The following MAN2A1 variants were observed in gnomAD, a reference collection of about 807,000 sequenced individuals.
The protein encoded by MAN2A1 is alpha-mannosidase 2.
MAN2A1 carries 76 observed loss-of-function variants against 142.6 expected under a neutral mutation model. The ratio of observed to expected loss-of-function variants is 0.53; its 90% CI spans 0.44 to 0.65. The LOEUF (loss-of-function observed/expected upper bound fraction) is 0.65. MAN2A1 is among the 30% of genes least tolerant of loss of function. The pLI is 0.00. For synonymous variants in MAN2A1, 559 were observed against 473.2 expected (o/e 1.18, Z -2.35); for missense variants, 1,311 against 1,365.1 (o/e 0.96, Z 0.62).
chr5:109,862,068 A>C (rs1755772602), intron 20 of MAN2A1, among the ~76,000 whole-genome samples: 1 of 152,234 alleles, frequency 6.6e-6, no homozygotes, highest in Non-Finnish European at 1.5e-5. Flanking sequence ...GATATGGCAC[A>C]CAGCAAGTGC....
chr5:109,756,885 T>C (rs1392029167), intron 5 of MAN2A1, among the ~76,000 whole-genome samples: 1 of 152,192 alleles, frequency 6.6e-6, no homozygotes, highest in African/African-American at 2.4e-5. Flanking sequence ...GGAGTCTGAA[T>C]TCTTAGTATG....
intron 4 of MAN2A1, among the ~76,000 whole-genome samples, chr5:109,734,871 T>C (rs1184724999): frequency 6.6e-6 from 1 of 152,216 alleles, no homozygotes; most frequent in Non-Finnish European, 1.5e-5. Flanking sequence ...GAGAGTTCTG[T>C]AGATGTCTGT....
intron 20 of MAN2A1, among the ~76,000 whole-genome samples, chr5:109,861,540 C>G (rs1320759657): frequency 6.6e-6 from 1 of 152,194 alleles, no homozygotes; most frequent in Non-Finnish European, 1.5e-5. Context: ...GTTTGCCAGG[C>G]ATTGTGCCAA....
chr5:109,849,704 T>G (rs113232857), intron 19 of MAN2A1, among the ~76,000 whole-genome samples: 2,834 of 149,462 alleles, frequency 0.019, 35 homozygotes, highest in Middle Eastern at 0.072. Context: ...GCAGAATGGT[T>G]TTTTTTTTTG....
At chr5:109,765,261 T>G (rs1752959288) in intron 5 of MAN2A1, among the ~76,000 whole-genome samples, 1 of 152,126 alleles carries the variant, frequency 6.6e-6, no homozygotes, top group Non-Finnish European at 1.5e-5. Context: ...TCCTTAGTCT[T>G]TTTTTGGGGA....
At chr5:109,711,708 T>C (rs148171640) in intron 1 of MAN2A1, among the ~76,000 whole-genome samples, 1 of 152,318 alleles carries the variant, frequency 6.6e-6, no homozygotes, top group East Asian at 1.9e-4. Flanking sequence ...CATTTCCAGT[T>C]GTAAAGTGAT....
At chr5:109,726,502 T>C (rs1751749482) in intron 3 of MAN2A1, among the ~76,000 whole-genome samples, 1 of 152,182 alleles carries the variant, frequency 6.6e-6, no homozygotes, top group Non-Finnish European at 1.5e-5. Context: ...CGCTTTCAGG[T>C]TGACCTCTCT....
intron 4 of MAN2A1, among the ~76,000 whole-genome samples, chr5:109,736,085 A>T (rs750710122): frequency 6.6e-6 from 1 of 152,076 alleles, no homozygotes; most frequent in African/African-American, 2.4e-5. Flanking sequence ...ACAAACTAGA[A>T]TTCCAAAATA....
At chr5:109,696,976 G>T (rs1212551458) in intron 1 of MAN2A1, among the ~76,000 whole-genome samples, 3 of 152,192 alleles carry the variant, frequency 2.0e-5, no homozygotes, top group Non-Finnish European at 1.5e-5. Flanking sequence ...AAAAATGGAA[G>T]ATTCTTATAA....
rs556292156 is a variant in MAN2A1, at chr5:109,785,144, C to T, written c.1760+218C>T. 2.0e-5 allele frequency among the ~76,000 whole-genome samples: 3 copies of T among 152,188 alleles called. No individual in the cohort carries two copies. In the South Asian group the frequency reaches 6.2e-4, roughly 32 times the overall value. On this transcript the variant is annotated intron_variant, in intron 10 of 21. Coordinates refer to ENST00000261483, the MANE Select transcript of MAN2A1 (RefSeq NM_002372.4). The stretch of plus-strand genomic sequence containing the variant: ...AACTTTTTATTGCAATGCATTTCTG[C>T]AAATAGGGTAGTAAAATATTATTAC...
At chr5:109,831,241 C>A (rs1207048129) in intron 16 of MAN2A1, among the ~76,000 whole-genome samples, 1 of 152,156 alleles carries the variant, frequency 6.6e-6, no homozygotes, top group African/African-American at 2.4e-5. Context: ...ATACAAGGAA[C>A]CTTACCCATA....
intron 13 of MAN2A1, among the ~76,000 whole-genome samples, chr5:109,818,222 C>T (rs1754523176): frequency 6.6e-6 from 1 of 152,092 alleles, no homozygotes; most frequent in African/African-American, 2.4e-5. Context: ...CGCACCGCAA[C>T]CTCTGTCTCC....
chr5:109,787,279 G>GT (rs1753618564), intron 10 of MAN2A1, among the ~76,000 whole-genome samples: 1 of 151,958 alleles, frequency 6.6e-6, no homozygotes, highest in African/African-American at 2.4e-5. Flanking sequence ...GTCCTAAAAT[G>GT]TAGACAAACT....
chr5:109,717,376 A>G (rs1751485725), intron 3 of MAN2A1, among the ~76,000 whole-genome samples: 6 of 152,280 alleles, frequency 3.9e-5, no homozygotes, highest in African/African-American at 9.6e-5. Flanking sequence ...TGTGAGAGGT[A>G]GTCTGCAAGC....
intron 21 of MAN2A1, among the ~76,000 whole-genome samples, chr5:109,865,977 G>C (rs185547010): frequency 4.6e-5 from 7 of 152,252 alleles, no homozygotes; most frequent in Middle Eastern, 3.4e-3. Context: ...AAATAATGCT[G>C]TAGACCAGAC....
intron 16 of MAN2A1, among the ~76,000 whole-genome samples, chr5:109,827,512 C>T (rs1754788264): frequency 6.6e-6 from 1 of 152,122 alleles, no homozygotes; most frequent in South Asian, 2.1e-4. Context: ...ACTTTTTGGT[C>T]CTTAATGATT....
At position 109,784,829 on chromosome 5, in the gene MAN2A1, G is replaced by A. The variant is rs192472424; in HGVS notation, c.1663G>A (p.Ala555Thr). 2.5e-6 allele frequency: 4 copies of A among 1,612,656 alleles called. No homozygotes were observed. Among genetic ancestry groups the A allele is most frequent in the Non-Finnish European group, 3.4e-6 (4 of 1,179,254 alleles). The change falls in exon 10 of 22, where the codon GCA becomes ACA. Residue 555 changes from alanine to threonine, a missense_variant. This residue lies in a region of MAN2A1 where 890 missense variants were observed against 920.5 expected (regional missense o/e 0.97). Transcript: ENST00000261483. Reference protein sequence around the residue: ...NKFLSSSLYTALTEARRNLGL... With the variant: ...NKFLSSSLYTTLTEARRNLGL... ...ATTTCTCTCATCATCACTTTACACG[G>A]CACTGACAGAAGCCAGAAGGAATTT...
chr5:109,755,002 A>G (rs919507695), intron 4 of MAN2A1, among the ~76,000 whole-genome samples: 1 of 152,150 alleles, frequency 6.6e-6, no homozygotes, highest in African/African-American at 2.4e-5. Flanking sequence ...ACTCTGTCTC[A>G]AATAAATAAA....
intron 4 of MAN2A1, among the ~76,000 whole-genome samples, chr5:109,734,092 A>T (rs1338844170): frequency 1.3e-5 from 2 of 151,874 alleles, no homozygotes; most frequent in East Asian, 3.9e-4. Flanking sequence ...TAGTCTTGGG[A>T]GGGTGTATGT....
Sources: allele counts gnomAD v4.1 joint callset (sites outside exome capture counted in the v4.1 genomes callset), GRCh38; gene constraint gnomAD v4.1.1; regional missense constraint gnomAD v4.1.1; transcripts MANE v1.5; gene names NCBI Gene and HGNC (gene_info 2026-07-23, HGNC 2026-07-21).